NEK1: variants seen among roughly 807,000 people sequenced by gnomAD.
NEK1 encodes the protein NIMA related kinase 1, also known as serine/threonine-protein kinase Nek1.
Under a neutral mutation model 182.1 loss-of-function variants are expected in NEK1, and 137 were observed. The observed-to-expected ratio is 0.75, with a 90% confidence interval of 0.65 to 0.87. The LOEUF (loss-of-function observed/expected upper bound fraction) is 0.87, where lower values mean the gene tolerates loss of function less well. Among genes scored for constraint, NEK1 ranks in the 40% least tolerant of loss-of-function variants. The pLI is 0.00. For missense variants in NEK1, 1,391 were observed against 1,494.4 expected, an observed-to-expected ratio of 0.93 and a Z score of 1.14; for synonymous variants, 513 against 492.2, an observed-to-expected ratio of 1.04 and a Z score of -0.56.
chr4:169,577,605 A>G (rs1332942133), intron 11 of NEK1, among the ~76,000 whole-genome samples: 1 of 152,022 alleles, frequency 6.6e-6, no homozygotes, highest in African/African-American at 2.4e-5. Flanking sequence ...AATACAAAAA[A>G]TTAGCTGGGC....
intron 31 of NEK1, among the ~76,000 whole-genome samples, chr4:169,411,644 A>AT (rs1376745323): frequency 6.6e-6 from 1 of 152,200 alleles, no homozygotes; most frequent in Non-Finnish European, 1.5e-5. Flanking sequence ...CTTTTATGTC[A>AT]TTTTAACTGG....
chr4:169,544,035 T>G (rs536144199), intron 18 of NEK1, among the ~76,000 whole-genome samples: 2 of 152,302 alleles, frequency 1.3e-5, no homozygotes, highest in South Asian at 4.1e-4. Context: ...ATAGGAGTGG[T>G]GAGAGAGGGT....
intron 35 of NEK1, 57 bp from the exon 36 acceptor site, chr4:169,394,580 A>G: frequency 1.8e-6 from 2 of 1,081,640 alleles, no homozygotes. Flanking sequence ...TCTACTTTAA[A>G]AAAAACCCAT....
chr4:169,490,030 C>T (rs990777864), intron 23 of NEK1, among the ~76,000 whole-genome samples: 9 of 152,222 alleles, frequency 5.9e-5, no homozygotes, highest in African/African-American at 2.2e-4. Context: ...AGAAGGATTT[C>T]CCCAACAAAG....
At chr4:169,476,584 T>C (rs1462107118) in intron 26 of NEK1, among the ~76,000 whole-genome samples, 6 of 152,144 alleles carry the variant, frequency 3.9e-5, no homozygotes, top group Non-Finnish European at 7.4e-5. Context: ...ATCAGATTTG[T>C]TGATGGTCAG....
At chr4:169,494,053 T>C (rs1185891421) in intron 23 of NEK1, among the ~76,000 whole-genome samples, 3 of 151,514 alleles carry the variant, frequency 2.0e-5, no homozygotes, top group Admixed American at 6.6e-5. Context: ...AAGAACCAAA[T>C]TGCCTCTTTT....
At chr4:169,439,001 ACAACTC>A (rs920237839) in intron 27 of NEK1, among the ~76,000 whole-genome samples, 2 of 152,156 alleles carry the variant, frequency 1.3e-5, no homozygotes, top group Non-Finnish European at 2.9e-5. Flanking sequence ...CTCCGCCTCT[ACAACTC>A]CAACTCTAAA....
At chr4:169,396,586 T>TG (rs1730765598) in intron 35 of NEK1, among the ~76,000 whole-genome samples, 2 of 151,934 alleles carry the variant, frequency 1.3e-5, no homozygotes, top group African/African-American at 4.8e-5. Context: ...TATCTAGCTA[T>TG]GGAAAAAAAA....
intron 26 of NEK1, among the ~76,000 whole-genome samples, chr4:169,472,211 G>A (rs554687866): frequency 2.0e-5 from 3 of 152,212 alleles, no homozygotes; most frequent in South Asian, 2.1e-4. Context: ...CCAGCTCGGT[G>A]TCTCCCCAAA....
chr4:169,453,627 A>T (rs1742272084), intron 27 of NEK1, among the ~76,000 whole-genome samples: 1 of 152,282 alleles, frequency 6.6e-6, no homozygotes, highest in Non-Finnish European at 1.5e-5. Context: ...AAACAATAGC[A>T]TGAGCGATCT....
chr4:169,599,314 C>G, intron 4 of NEK1, 117 bp from the exon 5 acceptor site: 1 of 665,162 alleles, frequency 1.5e-6, no homozygotes, highest in Non-Finnish European at 2.5e-6. Context: ...CAGGACCATA[C>G]TCAAAAGAAT....
At chr4:169,408,739 T>C (rs990211622) in intron 31 of NEK1, among the ~76,000 whole-genome samples, 3 of 152,236 alleles carry the variant, frequency 2.0e-5, no homozygotes, top group Non-Finnish European at 4.4e-5. Context: ...TTTCTATTTC[T>C]GAGTTACTTC....
At chr4:169,408,722 A>G (rs1733085470) in intron 31 of NEK1, among the ~76,000 whole-genome samples, 1 of 152,060 alleles carries the variant, frequency 6.6e-6, no homozygotes, top group South Asian at 2.1e-4. Context: ...AACATACGCT[A>G]TTTGGTTTTC....
chr4:169,465,549 T>C (rs1579905415), intron 26 of NEK1, among the ~76,000 whole-genome samples: 1 of 152,232 alleles, frequency 6.6e-6, no homozygotes. Flanking sequence ...TATCAGTACA[T>C]AATGTATAAA....
intron 10 of NEK1, among the ~76,000 whole-genome samples, chr4:169,584,504 T>TG (rs1767203778): frequency 6.6e-6 from 1 of 152,036 alleles, no homozygotes; most frequent in South Asian, 2.1e-4. Context: ...CCCAGCTACT[T>TG]GGGAGACTAA....
intron 5 of NEK1, among the ~76,000 whole-genome samples, chr4:169,597,160 T>C (rs561657819): frequency 3.9e-5 from 6 of 152,378 alleles, no homozygotes; most frequent in African/African-American, 1.4e-4. Flanking sequence ...GACAATGTTC[T>C]AATAAAAATA....
intron 24 of NEK1, among the ~76,000 whole-genome samples, chr4:169,478,869 A>G (rs1747462552): frequency 6.6e-6 from 1 of 152,040 alleles, no homozygotes; most frequent in South Asian, 2.1e-4. Flanking sequence ...TAAGCTTTTT[A>G]TTTGTCTATG....
At chr4:169,569,935 GTC>G (rs1159858236) in intron 12 of NEK1, among the ~76,000 whole-genome samples, 1 of 150,080 alleles carries the variant, frequency 6.7e-6, no homozygotes, top group East Asian at 2.0e-4. Context: ...AGTGAGGAGC[GTC>G]TCTGCCTGGC....
Position 169,555,588 on chromosome 4 carries a change from T to C in NEK1, c.1562+132A>G, listed in dbSNP as rs948289712. The C allele has an allele frequency of 6.5e-5, 77 of 1,193,416 alleles. 1 individual carries two copies. The Middle Eastern group carries it at 1.0e-3, about 15-fold the overall frequency. 73.9% of individuals were successfully genotyped at this position (1,193,416 alleles called of 1,614,324 possible). ...GCCAAATTTGCACCTCAGAAAATTA[T>C]TGTACCCAAGAGGCAAAAAACATCA... is the stretch of plus-strand genomic sequence containing the variant. On this transcript the variant is annotated intron_variant, in intron 18 of 35. Transcript: ENST00000507142.
Sources: gnomAD v4.1 joint callset for allele counts (sites outside exome capture counted in the v4.1 genomes callset) on GRCh38, gnomAD v4.1.1 for gene constraint, MANE v1.5 for transcripts, NCBI Gene and HGNC (gene_info 2026-07-23, HGNC 2026-07-21) for gene names.